ADAP1: variants seen among roughly 807,000 people sequenced by gnomAD.
The protein encoded by ADAP1 is ArfGAP with dual PH domains 1.
In ADAP1, 31 loss-of-function variants were observed where a neutral mutation model predicts 54.9. The ratio of observed to expected loss-of-function variants is 0.56; its 90% confidence interval spans 0.42 to 0.76. The LOEUF is 0.76. ADAP1 is among the 30% of genes least tolerant of loss of function. ADAP1 has a pLI of 0.00. For synonymous variants in ADAP1, 313 were observed against 202.6 expected (o/e 1.55, Z -4.63); for missense variants, 535 against 512.4 (o/e 1.04, Z -0.42).
chr7:927,146 G>T (rs1460564103), intron 2 of ADAP1: 1 of 1,303,778 alleles, frequency 7.7e-7, no homozygotes, highest in South Asian at 1.2e-5. Flanking sequence ...CAGAGTCTCT[G>T]AGGGGACTCT....
At chr7:908,819 G>A (rs968031105) in intron 4 of ADAP1, among the ~76,000 whole-genome samples, 3 of 152,228 alleles carry the variant, frequency 2.0e-5, no homozygotes, top group Admixed American at 6.5e-5. Context: ...CCTCCAAGGC[G>A]TGCGTGTCCG....
At chr7:906,768 T>TG (rs58476805) in intron 4 of ADAP1, among the ~76,000 whole-genome samples, 247 of 24,654 alleles carry the variant, frequency 0.01, 19 homozygotes, top group East Asian at 0.023. Flanking sequence ...ACAGGGGACA[T>TG]GGGGGACAGG....
chr7:927,201 CT>C, intron 2 of ADAP1: 1 of 1,282,842 alleles, frequency 7.8e-7, no homozygotes, highest in Non-Finnish European at 1.0e-6. Context: ...ACGAAACAGG[CT>C]GAGGGAGAAG....
chr7:930,543 GC>G (rs765209340), intron 2 of ADAP1, among the ~76,000 whole-genome samples: 9 of 151,754 alleles, frequency 5.9e-5, no homozygotes, highest in East Asian at 5.9e-4. Flanking sequence ...GCCAGGGCTG[GC>G]GCGGTGGCTC....
At chr7:899,989 A>C in intron 8 of ADAP1, 113 bp downstream of exon 8, 1 of 1,298,432 alleles carries the variant, frequency 7.7e-7, no homozygotes. Context: ...GTGAGGACCC[A>C]CCAGACACCA....
intron 3 of ADAP1, among the ~76,000 whole-genome samples, chr7:924,567 C>A (rs1029879761): frequency 2.7e-5 from 4 of 147,396 alleles, no homozygotes; most frequent in African/African-American, 1.0e-4. Flanking sequence ...CACGCTGCAC[C>A]CCCCGCCCTC....
chr7:901,885 G>A (rs942017075), intron 6 of ADAP1, among the ~76,000 whole-genome samples: 1 of 151,200 alleles, frequency 6.6e-6, no homozygotes, highest in South Asian at 2.1e-4. Context: ...CACAGCTCCA[G>A]GTCCCCCGGA....
chr7:939,193 A>G (rs1385481699), intron 1 of ADAP1, among the ~76,000 whole-genome samples: 1 of 151,736 alleles, frequency 6.6e-6, no homozygotes, highest in Non-Finnish European at 1.5e-5. Context: ...TGTGATGGAG[A>G]CTCTACGGCC....
At chr7:906,737 CAGAG>C (rs1845445607) in intron 4 of ADAP1, among the ~76,000 whole-genome samples, 1 of 37,282 alleles carries the variant, frequency 2.7e-5, no homozygotes, top group Non-Finnish European at 5.4e-5. Flanking sequence ...ACATGGGGGA[CAGAG>C]TACATAGGGG....
chr7:901,160 G>A (rs564604987), intron 6 of ADAP1: 8 of 397,336 alleles, frequency 2.0e-5, no homozygotes, highest in Non-Finnish European at 4.0e-5. Context: ...AGAGCGTGGG[G>A]TGGGCCAGCA....
At chr7:905,904 AGAAAGG>A (rs1845251482) in intron 4 of ADAP1, among the ~76,000 whole-genome samples, 1 of 23,426 alleles carries the variant, frequency 4.3e-5, no homozygotes, top group African/African-American at 1.1e-4. Context: ...AGGAGAAAGG[AGAAAGG>A]GAAAGGAGAA....
At chr7:951,820 T>TGGG (rs1847278942) in intron 1 of ADAP1, among the ~76,000 whole-genome samples, 1 of 152,224 alleles carries the variant, frequency 6.6e-6, no homozygotes, top group Non-Finnish European at 1.5e-5. Context: ...TGTGTGTTTT[T>TGGG]CTTTTTTTTG....
At chr7:930,587 G>C (rs556703034) in intron 2 of ADAP1, among the ~76,000 whole-genome samples, 48 of 151,754 alleles carry the variant, frequency 3.2e-4, no homozygotes, top group African/African-American at 9.9e-4. Context: ...GGGAGGCCGA[G>C]GGGGATGGAT....
intron 4 of ADAP1, chr7:905,560 A>AGAAGGGAGAAAGG (rs1562912269): frequency 4.3e-4 from 4 of 9,276 alleles, no homozygotes; most frequent in African/African-American, 1.0e-3. Flanking sequence ...GGGAGAAAGG[A>AGAAGGGAGAAAGG]GAAAGGAGAA....
chr7:905,439 G>GGGAAAGGAGAAAGGAGAAA lies in ADAP1; in HGVS notation c.389-268_389-267insTTTCTCCTTTCTCCTTTCC, dbSNP rs1845129644. The GGGAAAGGAGAAAGGAGAAA allele has an allele frequency of 2.6e-5, 2 of 76,506 alleles. 1 individual carries two copies. Among genetic ancestry groups the GGGAAAGGAGAAAGGAGAAA allele is most frequent in the Non-Finnish European group, 4.4e-5 (2 of 45,708 alleles). 4.7% of individuals were successfully genotyped at this position (76,506 alleles called of 1,614,324 possible). On this transcript the variant is annotated intron_variant, in intron 4 of 10. Coordinates refer to ENST00000265846, the MANE Select transcript of ADAP1 (RefSeq NM_006869.4). ...AGAAAGAGAAAGGAGAAAGGAGAAAGGGAGAAAGGGAGAAAGGGAAAGGAG... is the reference window on the plus strand; with the variant it reads ...AGAAAGAGAAAGGAGAAAGGAGAAAGGGAAAGGAGAAAGGAGAAAGGAGAAAGGGAGAAAGGGAAAGGAG...
chr7:899,592 G>A, intron 8 of ADAP1, 102 bp from the exon 9 acceptor site: 2 of 1,339,904 alleles, frequency 1.5e-6, no homozygotes, highest in Non-Finnish European at 2.0e-6. Context: ...ACTGGCCCGG[G>A]TCAGTCACCT....
chr7:953,907 G>T (rs953900740), intron 1 of ADAP1, among the ~76,000 whole-genome samples: 9 of 152,294 alleles, frequency 5.9e-5, no homozygotes, highest in African/African-American at 2.2e-4. Flanking sequence ...GGGGGCAGGG[G>T]CGCCGCTCAC....
chr7:929,654 G>T (rs1442190451), intron 2 of ADAP1, among the ~76,000 whole-genome samples: 1 of 152,122 alleles, frequency 6.6e-6, no homozygotes, highest in Non-Finnish European at 1.5e-5. Context: ...GATGGGAGGG[G>T]TGGTGAGTAC....
intron 4 of ADAP1, among the ~76,000 whole-genome samples, chr7:911,981 C>T (rs866548682): frequency 1.3e-5 from 2 of 152,344 alleles, no homozygotes; most frequent in African/African-American, 4.8e-5. Flanking sequence ...CCTCGCGCTG[C>T]CTGCGAGGAA....
Sources: allele counts gnomAD v4.1 joint callset (sites outside exome capture counted in the v4.1 genomes callset), GRCh38; gene constraint gnomAD v4.1.1; transcripts MANE v1.5; gene names NCBI Gene and HGNC (gene_info 2026-07-23, HGNC 2026-07-21).